MYLK: variants seen among roughly 807,000 people sequenced by gnomAD.
MYLK encodes the protein myosin light chain kinase, also known as myosin light chain kinase, smooth muscle.
A neutral mutation model predicts 203.4 loss-of-function variants in MYLK; 106 were observed. The ratio of observed to expected loss-of-function variants is 0.52; its 90% confidence interval spans 0.45 to 0.61. The LOEUF (loss-of-function observed/expected upper bound fraction) is 0.61. Ranked by LOEUF, MYLK falls within the 20% of genes least tolerant of loss-of-function variation. MYLK has a pLI of 0.00. For missense variants in MYLK, 2,072 were observed against 2,442.3 expected, an observed-to-expected ratio of 0.85 and a Z score of 3.20; for synonymous variants, 867 against 959.5, an observed-to-expected ratio of 0.90 and a Z score of 1.78.
chr3:123,692,258 G>C, intron 19 of MYLK: 1 of 1,065,938 alleles, frequency 9.4e-7, no homozygotes, highest in Non-Finnish European at 1.2e-6. Context: ...TGTCCTCTCT[G>C]TCCAGAGACT....
Position 123,740,006 on chromosome 3 carries a change from A to C in MYLK, c.374-5T>G. On this transcript the variant is annotated splice_region_variant and splice_polypyrimidine_tract_variant and intron_variant, in intron 5 of 33. Transcript: ENST00000360304. Reference sequence around the variant, plus strand: ...CAAGCTGCTTCGCAAAACTTCCTGCAAGAAAAAGAGTTGATGAGTCAGGTC... The same window carrying C: ...CAAGCTGCTTCGCAAAACTTCCTGCCAGAAAAAGAGTTGATGAGTCAGGTC... 6.2e-7 allele frequency: 1 copy of C among 1,613,842 alleles called. No homozygotes were observed. The highest frequency in any genetic ancestry group is 8.5e-7 in the Non-Finnish European group (1 of 1,179,760).
chr3:123,611,459 G>T lies in MYLK; in HGVS notation c.*2646C>A, dbSNP rs1024899892. 2.0e-5 allele frequency: 3 copies of T among 152,042 alleles called. No individual in the cohort carries two copies. Among genetic ancestry groups the T allele is most frequent in the Non-Finnish European group, 4.4e-5 (3 of 68,064 alleles). The allele number at this position is 152,042 out of a possible 1,614,324, so 9.4% of individuals were successfully genotyped here. Reference sequence around the variant, plus strand: ...CATCAGTGATGATGATGATGATGATGATGATAATGTCACATGTTAAAAATG... The same window carrying T: ...CATCAGTGATGATGATGATGATGATTATGATAATGTCACATGTTAAAAATG... On this transcript the variant is annotated 3_prime_UTR_variant, in exon 34 of 34. Transcript: ENST00000360304.
chr3:123,755,696 C>A (rs542196292), intron 4 of MYLK, among the ~76,000 whole-genome samples: 56 of 152,118 alleles, frequency 3.7e-4, no homozygotes, highest in Non-Finnish European at 6.9e-4. Context: ...GACAACAGCC[C>A]TGCCCTCCCA....
chr3:123,785,094 A>G (rs1020121373), intron 4 of MYLK, among the ~76,000 whole-genome samples: 1 of 152,230 alleles, frequency 6.6e-6, no homozygotes, highest in African/African-American at 2.4e-5. Context: ...AATCTCAAAT[A>G]TATGGCTGAA....
intron 27 of MYLK, among the ~76,000 whole-genome samples, chr3:123,646,257 T>C (rs2059017472): frequency 6.6e-6 from 1 of 152,234 alleles, no homozygotes; most frequent in Admixed American, 6.5e-5. Context: ...TATACACTTA[T>C]ATTTTCATAA....
At chr3:123,759,465 T>A (rs1336638072) in intron 4 of MYLK, among the ~76,000 whole-genome samples, 2 of 152,106 alleles carry the variant, frequency 1.3e-5, no homozygotes, top group Non-Finnish European at 2.9e-5. Flanking sequence ...ATTGCAGAGG[T>A]TTAACAAATT....
intron 2 of MYLK, among the ~76,000 whole-genome samples, chr3:123,841,536 C>G (rs1209232752): frequency 6.6e-6 from 1 of 152,128 alleles, no homozygotes; most frequent in Non-Finnish European, 1.5e-5. Context: ...TTAATACCTT[C>G]AACCACTCAT....
intron 32 of MYLK, among the ~76,000 whole-genome samples, chr3:123,619,121 C>T (rs943278248): frequency 2.0e-5 from 3 of 152,226 alleles, no homozygotes; most frequent in African/African-American, 7.2e-5. Flanking sequence ...CATCAGCCTT[C>T]CTAGTCTTGG....
At chr3:123,692,399 C>T in intron 19 of MYLK, 1 of 1,197,812 alleles carries the variant, frequency 8.3e-7, no homozygotes, top group Non-Finnish European at 1.1e-6. Context: ...GTAAAATACT[C>T]TGTAGTCATT....
intron 2 of MYLK, among the ~76,000 whole-genome samples, chr3:123,849,740 T>A (rs1366869134): frequency 6.6e-6 from 1 of 151,506 alleles, no homozygotes; most frequent in African/African-American, 2.4e-5. Flanking sequence ...TCTGAGTACA[T>A]TTATTCATTT....
chr3:123,874,734 C>T (rs1444269106), intron 2 of MYLK, among the ~76,000 whole-genome samples: 3 of 152,042 alleles, frequency 2.0e-5, no homozygotes, highest in South Asian at 2.1e-4. Flanking sequence ...TTGCCAAACA[C>T]GTACCCAATA....
In MYLK at chr3:123,614,070, A is replaced by G. The variant is rs1330348693; in HGVS notation, c.*35T>C. 3 of 1,601,832 alleles carry G rather than the reference A, an allele frequency of 1.9e-6. No homozygotes were observed. In the South Asian group the frequency reaches 3.3e-5, roughly 18 times the overall value. ...GAGTTTTAGAGAAATAGTCCTTTTA[A>G]TATGACTTAGAAACTGCTTTTCTCT... On this transcript the variant is annotated 3_prime_UTR_variant, in exon 34 of 34. Coordinates refer to ENST00000360304, the MANE Select transcript of MYLK (RefSeq NM_053025.4).
intron 1 of MYLK, among the ~76,000 whole-genome samples, chr3:123,879,186 C>T (rs1306812369): frequency 6.6e-6 from 1 of 152,190 alleles, no homozygotes; most frequent in African/African-American, 2.4e-5. Flanking sequence ...CACCCAATTG[C>T]CTCTTAATAT....
Position 123,626,852 on chromosome 3 carries a change from C to T in MYLK, c.5204G>A (p.Arg1735Gln). Residue 1735 changes from arginine to glutamine, a missense_variant, in exon 31 of 34, where the codon CGG (arginine) becomes CAG (glutamine). By Grantham distance (43) the Arg-to-Gln change is conservative (BLOSUM62 1). This residue lies in a region of MYLK where 524 missense variants were observed against 782.4 expected (regional missense o/e 0.67). Transcript: ENST00000360304. ...CCTTCTTGCCATGTACTTCTTCATC[C>T]GGTCCTTGGAGAGTTTCTTGGCCTC... Reference protein sequence around the residue: ...NMEAKKLSKDRMKKYMARRKW... With the variant: ...NMEAKKLSKDQMKKYMARRKW... 3 of 1,614,208 alleles carry T rather than the reference C, an allele frequency of 1.9e-6. No individual in the cohort carries two copies. The highest frequency in any genetic ancestry group is 2.5e-6 in the Non-Finnish European group (3 of 1,180,042).
intron 19 of MYLK, chr3:123,691,489 G>C (rs757946159): frequency 2.6e-5 from 4 of 152,110 alleles, no homozygotes; most frequent in South Asian, 4.2e-4. Flanking sequence ...CTTACCTTTC[G>C]GCTATTAACA....
chr3:123,717,500 C>T (rs2061936846), intron 13 of MYLK, among the ~76,000 whole-genome samples: 1 of 152,162 alleles, frequency 6.6e-6, no homozygotes, highest in African/African-American at 2.4e-5. Flanking sequence ...GTTAAATAAA[C>T]AAACCGTTAG....
intron 4 of MYLK, among the ~76,000 whole-genome samples, chr3:123,753,623 G>T (rs1310361129): frequency 1.3e-5 from 2 of 151,970 alleles, no homozygotes; most frequent in Admixed American, 6.6e-5. Context: ...TCAAAGAAAA[G>T]AATTCACTTT....
intron 20 of MYLK, among the ~76,000 whole-genome samples, chr3:123,671,302 T>C (rs1015482659): frequency 6.6e-6 from 1 of 152,326 alleles, no homozygotes; most frequent in South Asian, 2.1e-4. Context: ...AAGTGAAAGA[T>C]TCCAGAATTA....
At chr3:123,798,167 A>G (rs952771057) in intron 3 of MYLK, among the ~76,000 whole-genome samples, 1 of 152,200 alleles carries the variant, frequency 6.6e-6, no homozygotes, top group Non-Finnish European at 1.5e-5. Flanking sequence ...TCACCCCTTC[A>G]CAAATGAAGA....
Sources: gnomAD v4.1 joint callset for allele counts (sites outside exome capture counted in the v4.1 genomes callset) on GRCh38, gnomAD v4.1.1 for gene constraint, gnomAD v4.1.1 regional missense constraint, MANE v1.5 for transcripts, NCBI Gene and HGNC (gene_info 2026-07-23, HGNC 2026-07-21) for gene names.